The following NKAIN2 variants were observed in gnomAD, a reference collection of about 807,000 sequenced individuals.
The protein encoded by NKAIN2 is sodium/potassium-transporting ATPase subunit beta-1-interacting protein 2.
NKAIN2 carries 14 observed loss-of-function variants against 32.6 expected under a neutral mutation model. The ratio of observed to expected loss-of-function variants is 0.43; its 90% CI spans 0.28 to 0.67. NKAIN2 has a LOEUF of 0.67. NKAIN2 is among the 30% of genes least tolerant of loss of function. The pLI is 0.17. For synonymous variants in NKAIN2, 80 were observed against 87.2 expected (o/e 0.92, Z 0.46); for missense variants, 198 against 258.3 (o/e 0.77, Z 1.60).
Position 124,011,412 on chromosome 6 carries a change from T to A in NKAIN2, c.54+207158T>A, listed in dbSNP as rs530134768. ...GCAATTCCTGTTCTTTTTTTTTTTT[T>A]AGCCTGAGACGCATTTCCAACTGTT... On this transcript the variant is annotated intron_variant, in intron 1 of 6. Transcript: ENST00000368417. 5.3e-5 allele frequency among the ~76,000 whole-genome samples: 8 copies of A among 152,156 alleles called. No individual in the cohort carries two copies. The East Asian group carries it at 9.6e-4, about 18-fold the overall frequency.
intron 1 of NKAIN2, among the ~76,000 whole-genome samples, chr6:124,025,310 C>T (rs1475613828): frequency 6.6e-6 from 1 of 152,136 alleles, no homozygotes; most frequent in Non-Finnish European, 1.5e-5. Flanking sequence ...CTGAGACATG[C>T]AGTAGGAGAT....
chr6:124,180,783 C>T lies in NKAIN2; in HGVS notation c.55-102222C>T, dbSNP rs368412676. ...TTTGAAAGCTCTGCCCCTGTGGCTT[C>T]GCTGGGTACAGCCTCCCTCCTGGCT... On this transcript the variant is annotated intron_variant, in intron 1 of 6. Coordinates refer to ENST00000368417, the MANE Select transcript of NKAIN2 (RefSeq NM_001040214.3). Among the ~76,000 whole-genome samples, 32 of 152,284 alleles carry T rather than the reference C, an allele frequency of 2.1e-4. 1 individual carries two copies. In the East Asian group the frequency reaches 5.2e-3, roughly 25 times the overall value.
At chr6:124,494,318 CAA>C (rs1777984698) in intron 3 of NKAIN2, among the ~76,000 whole-genome samples, 1 of 152,010 alleles carries the variant, frequency 6.6e-6, no homozygotes, top group African/African-American at 2.4e-5. Flanking sequence ...GTATTAGCAC[CAA>C]GAGTGAGTTT....
intron 5 of NKAIN2, among the ~76,000 whole-genome samples, chr6:124,807,493 T>A (rs1321203973): frequency 6.7e-6 from 1 of 149,690 alleles, no homozygotes; most frequent in Non-Finnish European, 1.5e-5. Flanking sequence ...CAAAGCAGTG[T>A]GTAGAGGGAA....
intron 1 of NKAIN2, among the ~76,000 whole-genome samples, chr6:123,924,393 A>C (rs1775912213): frequency 6.6e-6 from 1 of 152,242 alleles, no homozygotes; most frequent in African/African-American, 2.4e-5. Flanking sequence ...GTGTGACTTT[A>C]AATCATTTAG....
At chr6:123,920,300 T>C (rs916184659) in intron 1 of NKAIN2, among the ~76,000 whole-genome samples, 5 of 152,142 alleles carry the variant, frequency 3.3e-5, no homozygotes, top group Admixed American at 6.6e-5. Flanking sequence ...TGGTTTCTAA[T>C]TGGTACTTTA....
intron 3 of NKAIN2, among the ~76,000 whole-genome samples, chr6:124,638,222 G>C (rs935524045): frequency 4.6e-5 from 7 of 152,134 alleles, no homozygotes; most frequent in Non-Finnish European, 1.0e-4. Flanking sequence ...GCAGAAGAAT[G>C]AAACTAGACC....
chr6:124,537,165 C>G (rs1246396946), intron 3 of NKAIN2, among the ~76,000 whole-genome samples: 1 of 152,162 alleles, frequency 6.6e-6, no homozygotes, highest in Non-Finnish European at 1.5e-5. Flanking sequence ...GAGCTCACAG[C>G]TGCTTCACTC....
intron 1 of NKAIN2, among the ~76,000 whole-genome samples, chr6:124,044,355 A>T (rs2114817174): frequency 6.6e-6 from 1 of 152,124 alleles, no homozygotes; most frequent in South Asian, 2.1e-4. Context: ...TTTTCCACAG[A>T]CTTTGGGTTG....
At chr6:124,773,779 T>C (rs1778864027) in intron 4 of NKAIN2, among the ~76,000 whole-genome samples, 1 of 152,158 alleles carries the variant, frequency 6.6e-6, no homozygotes, top group South Asian at 2.1e-4. Context: ...GTTAGTAGTG[T>C]GAGTGCCAAG....
At chr6:123,973,483 CTA>C (rs1026310605) in intron 1 of NKAIN2, among the ~76,000 whole-genome samples, 2 of 151,868 alleles carry the variant, frequency 1.3e-5, no homozygotes, top group Non-Finnish European at 2.9e-5. Flanking sequence ...CCTGGCCTGT[CTA>C]TATAGAGGAG....
rs533398958 is a variant in NKAIN2, at chr6:123,988,435, G to A, written c.54+184181G>A. ...CCACAGAAGAGGCCAACAGCAGCTT[G>A]TTGGTACTCTCAGATACGGTGAGTG... On this transcript the variant is annotated intron_variant, in intron 1 of 6. Coordinates refer to ENST00000368417, the MANE Select transcript of NKAIN2 (RefSeq NM_001040214.3). Among the ~76,000 whole-genome samples the A allele has an allele frequency of 2.0e-5, 3 of 152,312 alleles. No homozygotes were observed. The South Asian group carries it at 6.2e-4, about 32-fold the overall frequency.
At position 124,267,481 on chromosome 6, in the gene NKAIN2, T is replaced by TAA. The variant is rs71541244; in HGVS notation, c.55-15504_55-15503dup. 3.5e-3 allele frequency among the ~76,000 whole-genome samples: 338 copies of TAA among 97,674 alleles called. 1 individual carries two copies. Among genetic ancestry groups the TAA allele is most frequent in the Middle Eastern group, 0.012 (2 of 166 alleles). The allele number at this position is 97,674 out of a possible 152,430, so 64.1% of individuals were successfully genotyped here. A position where few individuals can be genotyped will look rare whatever the true frequency, so the allele number is the denominator to read the frequency against. On this transcript the variant is annotated intron_variant, in intron 1 of 6. Transcript: ENST00000368417. Reference sequence around the variant, plus strand: ...CAATAATATGGCAAAACCATGTCTCTAAAAAAAAAAAAAAAAAAAAAGAGA... The same window carrying TAA: ...CAATAATATGGCAAAACCATGTCTCTAAAAAAAAAAAAAAAAAAAAAAAGAGA...
At chr6:124,670,997 G>C (rs1773071587) in intron 4 of NKAIN2, among the ~76,000 whole-genome samples, 1 of 151,954 alleles carries the variant, frequency 6.6e-6, no homozygotes, top group African/African-American at 2.4e-5. Flanking sequence ...TGCACTTTTA[G>C]GTACCACTCT....
chr6:124,044,885 A>G (rs1782046226), intron 1 of NKAIN2, among the ~76,000 whole-genome samples: 1 of 152,156 alleles, frequency 6.6e-6, no homozygotes, highest in East Asian at 1.9e-4. Context: ...CTTCTTTTTA[A>G]TAGTAGAGTT....
intron 4 of NKAIN2, among the ~76,000 whole-genome samples, chr6:124,688,353 A>T (rs1774091400): frequency 6.6e-6 from 1 of 151,990 alleles, no homozygotes; most frequent in African/African-American, 2.4e-5. Flanking sequence ...GATTAATAGC[A>T]AAATTGAAGA....
chr6:123,915,759 T>G (rs1411919948), intron 1 of NKAIN2, among the ~76,000 whole-genome samples: 1 of 152,158 alleles, frequency 6.6e-6, no homozygotes, highest in East Asian at 1.9e-4. Context: ...TGTCTCCGTG[T>G]ATGTAAGATT....
chr6:124,085,622 T>G (rs1298493173), intron 1 of NKAIN2, among the ~76,000 whole-genome samples: 1 of 151,838 alleles, frequency 6.6e-6, no homozygotes, highest in East Asian at 1.9e-4. Context: ...GAGGACTAAA[T>G]GCAATAAATA....
chr6:124,369,070 A>G (rs1282610317), intron 3 of NKAIN2, among the ~76,000 whole-genome samples: 1 of 152,212 alleles, frequency 6.6e-6, no homozygotes, highest in Non-Finnish European at 1.5e-5. Context: ...AAACATAAGT[A>G]TAAAAATTAA....
Sources: allele counts gnomAD v4.1 joint callset (sites outside exome capture counted in the v4.1 genomes callset), GRCh38; gene constraint gnomAD v4.1.1; transcripts MANE v1.5; gene names NCBI Gene and HGNC (gene_info 2026-07-23, HGNC 2026-07-21).